The following CTNNA2 variants were observed in gnomAD, a reference collection of about 807,000 sequenced individuals.
The protein encoded by CTNNA2 is catenin alpha-2.
CTNNA2 carries 42 observed loss-of-function variants against 101.0 expected under a neutral mutation model. That is an observed-to-expected ratio of 0.42 (90% CI 0.32 to 0.54). CTNNA2 has a LOEUF of 0.54. CTNNA2 is among the 20% of genes least tolerant of loss of function. CTNNA2 has a pLI of 0.14. For missense variants in CTNNA2, 871 were observed against 1,223.1 expected (o/e 0.71, Z 4.29); for synonymous variants, 450 against 456.4 (o/e 0.99, Z 0.18).
At chr2:80,143,220 C>A (rs755402283) in intron 7 of CTNNA2, among the ~76,000 whole-genome samples, 1 of 152,148 alleles carries the variant, frequency 6.6e-6, no homozygotes, top group East Asian at 1.9e-4. Context: ...CAGAACTTTA[C>A]GCTGATATTT....
chr2:80,508,832 A>G (rs1688483144), intron 9 of CTNNA2, among the ~76,000 whole-genome samples: 1 of 152,190 alleles, frequency 6.6e-6, no homozygotes, highest in Admixed American at 6.5e-5. Context: ...GCAGGTGTGC[A>G]TCTGACATGG....
intron 9 of CTNNA2, among the ~76,000 whole-genome samples, chr2:80,477,395 C>G (rs1017840899): frequency 2.6e-5 from 4 of 152,054 alleles, no homozygotes; most frequent in South Asian, 2.1e-4. Flanking sequence ...GGGTACAAGT[C>G]ATTTTTCATT....
At chr2:79,252,088 A>T (rs1674780756) in intron 2 of CTNNA2, among the ~76,000 whole-genome samples, 1 of 152,172 alleles carries the variant, frequency 6.6e-6, no homozygotes, top group Admixed American at 6.5e-5. Flanking sequence ...TGGAGATCAG[A>T]TCTTTACATT....
intron 7 of CTNNA2, among the ~76,000 whole-genome samples, chr2:79,947,074 CT>C (rs1185992847): frequency 1.3e-5 from 2 of 152,310 alleles, no homozygotes; most frequent in East Asian, 1.9e-4. Context: ...GTTATATTAT[CT>C]CAGGTCTAAA....
At chr2:80,274,025 C>G (rs548338039) in intron 7 of CTNNA2, among the ~76,000 whole-genome samples, 2 of 152,098 alleles carry the variant, frequency 1.3e-5, no homozygotes, top group African/African-American at 2.4e-5. Context: ...AAATATTTGT[C>G]GAATGAATAC....
intron 7 of CTNNA2, among the ~76,000 whole-genome samples, chr2:80,214,846 A>G (rs1197389285): frequency 6.6e-5 from 10 of 152,202 alleles, no homozygotes. Flanking sequence ...AATATCCTGC[A>G]GAGTGTTTTC....
chr2:79,195,936 TTTTGTTTG>T, intron 1 of CTNNA2: 1 of 441,194 alleles, frequency 2.3e-6, no homozygotes, highest in South Asian at 1.6e-5. Context: ...GAACTCAGTT[TTTTGTTTG>T]TTTGTTTTAT....
intron 1 of CTNNA2, among the ~76,000 whole-genome samples, chr2:79,516,531 T>G (rs1274970367): frequency 6.6e-6 from 1 of 152,164 alleles, no homozygotes; most frequent in African/African-American, 2.4e-5. Flanking sequence ...ACTGGAAGAT[T>G]TGGCATACAG....
At chr2:80,637,363 C>T (rs577072969) in intron 18 of CTNNA2, among the ~76,000 whole-genome samples, 3 of 151,560 alleles carry the variant, frequency 2.0e-5, no homozygotes, top group East Asian at 1.9e-4. Flanking sequence ...TGTTCAAGAT[C>T]GTGTAGTTAG....
chr2:80,012,131 G>A (rs557339532), intron 7 of CTNNA2, among the ~76,000 whole-genome samples: 1 of 152,244 alleles, frequency 6.6e-6, no homozygotes, highest in Non-Finnish European at 1.5e-5. Context: ...CTAAAGGCAG[G>A]CAGTGTCTCA....
At chr2:79,465,632 T>C (rs901798990) in intron 4 of CTNNA2, among the ~76,000 whole-genome samples, 17 of 152,340 alleles carry the variant, frequency 1.1e-4, no homozygotes, top group Middle Eastern at 3.4e-3. Flanking sequence ...TGTTCTTCTA[T>C]TTGTTTGTGT....
At chr2:80,372,682 CTT>C (rs57178483) in intron 7 of CTNNA2, among the ~76,000 whole-genome samples, 12 of 142,372 alleles carry the variant, frequency 8.4e-5, no homozygotes, top group Admixed American at 1.4e-4. Context: ...GGGAAAACAG[CTT>C]TTTTTTTTTT....
At chr2:80,565,759 T>C (rs73938508) in intron 12 of CTNNA2, among the ~76,000 whole-genome samples, 47 of 152,276 alleles carry the variant, frequency 3.1e-4, no homozygotes, top group African/African-American at 1.1e-3. Context: ...ATTTGTGTTA[T>C]TTACCACTCG....
At chr2:79,495,415 G>A (rs1052134137) in intron 4 of CTNNA2, among the ~76,000 whole-genome samples, 6 of 151,970 alleles carry the variant, frequency 3.9e-5, no homozygotes, top group African/African-American at 1.2e-4. Context: ...AAAACCAAAA[G>A]GAGATACCAA....
Position 80,347,706 on chromosome 2 carries a change from T to C in CTNNA2, c.1057-45505T>C, listed in dbSNP as rs182588842. On this transcript the variant is annotated intron_variant, in intron 7 of 18. Coordinates refer to ENST00000402739, the MANE Select transcript of CTNNA2 (RefSeq NM_001282597.3). Reference sequence around the variant, plus strand: ...TTTAGGGTTGCTACTCAAAGTGTAGTTCCGGAGCAGTAGCATCAGAATACC... The same window carrying C: ...TTTAGGGTTGCTACTCAAAGTGTAGCTCCGGAGCAGTAGCATCAGAATACC... Among the ~76,000 whole-genome samples, 4 of 152,170 alleles carry C rather than the reference T, an allele frequency of 2.6e-5. No homozygotes were observed. In the East Asian group the frequency reaches 7.7e-4, roughly 29 times the overall value.
intron 4 of CTNNA2, among the ~76,000 whole-genome samples, chr2:79,419,518 T>C (rs1678517476): frequency 6.6e-6 from 1 of 152,246 alleles, no homozygotes; most frequent in Non-Finnish European, 1.5e-5. Flanking sequence ...GGAAACTCTG[T>C]ATTTTCCACA....
intron 7 of CTNNA2, among the ~76,000 whole-genome samples, chr2:79,945,079 G>C (rs988468528): frequency 6.6e-6 from 1 of 152,126 alleles, no homozygotes; most frequent in Non-Finnish European, 1.5e-5. Flanking sequence ...GTCTCATTCT[G>C]TCACCCAGGC....
At chr2:79,686,334 T>A (rs1683928724) in intron 2 of CTNNA2, among the ~76,000 whole-genome samples, 1 of 152,192 alleles carries the variant, frequency 6.6e-6, no homozygotes, top group Admixed American at 6.5e-5. Context: ...GCTGCCACAC[T>A]AATTCCTGTG....
chr2:79,925,213 T>C (rs2104396333), intron 7 of CTNNA2, among the ~76,000 whole-genome samples: 1 of 152,250 alleles, frequency 6.6e-6, no homozygotes, highest in East Asian at 1.9e-4. Flanking sequence ...TGCTGTTTTT[T>C]CCTCTGTAAT....
Sources: allele counts gnomAD v4.1 joint callset (sites outside exome capture counted in the v4.1 genomes callset), GRCh38; gene constraint gnomAD v4.1.1; transcripts MANE v1.5; gene names NCBI Gene and HGNC (gene_info 2026-07-23, HGNC 2026-07-21).